The following SLC35F4 variants were observed in gnomAD, a reference collection of about 807,000 sequenced individuals.
SLC35F4 encodes solute carrier family 35 member F4, also known as chromosome 14 open reading frame 36.
SLC35F4 carries 24 observed loss-of-function variants against 44.2 expected under a neutral mutation model. That is an observed-to-expected ratio of 0.54 (90% confidence interval 0.39 to 0.76). The LOEUF (loss-of-function observed/expected upper bound fraction) is 0.76. Among genes scored for constraint, SLC35F4 ranks in the 30% least tolerant of loss-of-function variants. The pLI is 0.00. For synonymous variants in SLC35F4, 238 were observed against 223.6 expected, an observed-to-expected ratio of 1.06 and a Z score of -0.57; for missense variants, 562 against 586.1, an observed-to-expected ratio of 0.96 and a Z score of 0.42.
chr14:57,625,586 C>T (rs1193918174), intron 1 of SLC35F4, among the ~76,000 whole-genome samples: 2 of 152,172 alleles, frequency 1.3e-5, no homozygotes, highest in African/African-American at 2.4e-5. Context: ...CAGCATGGTA[C>T]TGGTACCAAA....
intron 1 of SLC35F4, among the ~76,000 whole-genome samples, chr14:57,953,962 A>T (rs1890189614): frequency 6.6e-6 from 1 of 152,066 alleles, no homozygotes; most frequent in Admixed American, 6.5e-5. Context: ...ATCCCAAATC[A>T]ACAGAATGTA....
chr14:57,623,870 C>G (rs1419006387), intron 1 of SLC35F4, among the ~76,000 whole-genome samples: 4 of 152,000 alleles, frequency 2.6e-5, no homozygotes, highest in African/African-American at 9.7e-5. Context: ...ATCGGACAGC[C>G]TAACATCACA....
chr14:57,679,111 C>G (rs1196102379), intron 1 of SLC35F4, among the ~76,000 whole-genome samples: 1 of 151,918 alleles, frequency 6.6e-6, no homozygotes, highest in Non-Finnish European at 1.5e-5. Flanking sequence ...TAAAATTGAC[C>G]ACATAATTGG....
At chr14:57,756,078 A>T (rs934859528) in intron 1 of SLC35F4, among the ~76,000 whole-genome samples, 3 of 152,156 alleles carry the variant, frequency 2.0e-5, no homozygotes, top group Admixed American at 2.0e-4. Context: ...CATTTCATTA[A>T]TTCCTGCTCT....
At chr14:57,725,731 C>G (rs1319515890) in intron 1 of SLC35F4, among the ~76,000 whole-genome samples, 1 of 152,286 alleles carries the variant, frequency 6.6e-6, no homozygotes, top group South Asian at 2.1e-4. Flanking sequence ...GGTGACAATA[C>G]TTTGCAGGGC....
chr14:57,742,611 T>C (rs575642049), intron 1 of SLC35F4, among the ~76,000 whole-genome samples: 22 of 152,120 alleles, frequency 1.4e-4, no homozygotes, highest in African/African-American at 5.1e-4. Context: ...AAGACTCCCA[T>C]GCAATAATAA....
At chr14:57,582,391 A>C (rs528818719) in intron 3 of SLC35F4, among the ~76,000 whole-genome samples, 1 of 152,264 alleles carries the variant, frequency 6.6e-6, no homozygotes, top group East Asian at 1.9e-4. Context: ...AGAGACAGAC[A>C]GGATTTCACT....
chr14:57,865,832 C>CGCGGGGCGACGGCCCCGAGTGCG lies in SLC35F4; in HGVS notation c.-30_-8dup. ...GGGCCGCCTTGACATCCATAGAGAG[C>CGCGGGGCGACGGCCCCGAGTGCG]GCGGGGCGACGGCCCCGAGTGCGGC... On this transcript the variant is annotated 5_prime_UTR_variant, in exon 1 of 8. Transcript: ENST00000556826. 7 of 1,498,092 alleles carry CGCGGGGCGACGGCCCCGAGTGCG rather than the reference C, an allele frequency of 4.7e-6. No individual in the cohort carries two copies. Among genetic ancestry groups the CGCGGGGCGACGGCCCCGAGTGCG allele is most frequent in the Non-Finnish European group, 6.2e-6 (7 of 1,129,044 alleles). The allele number at this position is 1,498,092 out of a possible 1,614,324, so 92.8% of individuals were successfully genotyped here.
At chr14:57,751,757 A>G (rs2076889147) in intron 1 of SLC35F4, among the ~76,000 whole-genome samples, 2 of 152,220 alleles carry the variant, frequency 1.3e-5, no homozygotes, top group African/African-American at 2.4e-5. Context: ...GCTATGTTAA[A>G]AATTCTATGG....
intron 1 of SLC35F4, among the ~76,000 whole-genome samples, chr14:57,915,297 G>A (rs1889300089): frequency 6.6e-6 from 1 of 152,052 alleles, no homozygotes; most frequent in African/African-American, 2.4e-5. Flanking sequence ...AGTGTCTTCA[G>A]GGCGTTTCTC....
intron 1 of SLC35F4, among the ~76,000 whole-genome samples, chr14:57,769,970 A>G (rs2077324004): frequency 6.6e-6 from 1 of 152,206 alleles, no homozygotes; most frequent in African/African-American, 2.4e-5. Context: ...TTAAAACACC[A>G]TCTGCCTTCT....
intron 1 of SLC35F4, among the ~76,000 whole-genome samples, chr14:57,780,236 T>C (rs2077584181): frequency 6.6e-6 from 1 of 152,116 alleles, no homozygotes; most frequent in Non-Finnish European, 1.5e-5. Flanking sequence ...TTCAGCAAAG[T>C]TTCAGGATAC....
chr14:57,702,331 TAAAAA>T (rs5808935), intron 1 of SLC35F4, among the ~76,000 whole-genome samples: 3 of 136,588 alleles, frequency 2.2e-5, no homozygotes, highest in African/African-American at 5.5e-5. Flanking sequence ...TCATTTTCTT[TAAAAA>T]AAAAAAAAAA....
At chr14:57,946,856 C>T (rs549118700) in intron 1 of SLC35F4, among the ~76,000 whole-genome samples, 7 of 152,230 alleles carry the variant, frequency 4.6e-5, no homozygotes, top group Non-Finnish European at 1.0e-4. Context: ...GGCTGTTTTG[C>T]TAACTATAGC....
At chr14:57,979,499 C>A (rs764382953) in intron 1 of SLC35F4, among the ~76,000 whole-genome samples, 1 of 152,182 alleles carries the variant, frequency 6.6e-6, no homozygotes, top group Non-Finnish European at 1.5e-5. Context: ...TTGTCTTGAG[C>A]CACAAAACTC....
chr14:57,649,182 T>C (rs2073674750), intron 1 of SLC35F4, among the ~76,000 whole-genome samples: 1 of 152,236 alleles, frequency 6.6e-6, no homozygotes, highest in Non-Finnish European at 1.5e-5. Context: ...CTCCCTTTAT[T>C]TGTGTGCTAA....
chr14:57,569,640 C>G, intron 6 of SLC35F4, 148 bp downstream of exon 6: 1 of 891,338 alleles, frequency 1.1e-6, no homozygotes, highest in Non-Finnish European at 1.6e-6. Context: ...TTGCAAAGAA[C>G]CTTCTAAACA....
chr14:57,601,268 T>A (rs943719541), intron 1 of SLC35F4, among the ~76,000 whole-genome samples: 4 of 152,054 alleles, frequency 2.6e-5, no homozygotes, highest in African/African-American at 9.7e-5. Flanking sequence ...AAATCTGAAT[T>A]ATTTAGGTAC....
intron 1 of SLC35F4, among the ~76,000 whole-genome samples, chr14:57,626,141 G>A (rs1488857122): frequency 6.9e-6 from 1 of 145,922 alleles, no homozygotes; most frequent in Non-Finnish European, 1.5e-5. Flanking sequence ...ATGGACACAG[G>A]GAGGGGAACA....
Sources: gnomAD v4.1 joint callset for allele counts (sites outside exome capture counted in the v4.1 genomes callset) on GRCh38, gnomAD v4.1.1 for gene constraint, MANE v1.5 for transcripts, NCBI Gene and HGNC (gene_info 2026-07-23, HGNC 2026-07-21) for gene names.